Variants in SDK1 observed in about 807,000 individuals in gnomAD.
SDK1 encodes the protein protein sidekick-1.
SDK1 carries 157 observed loss-of-function variants against 245.5 expected under a neutral mutation model. The ratio of observed to expected loss-of-function variants is 0.64; its 90% CI spans 0.56 to 0.73. SDK1 has a LOEUF of 0.73. Among genes scored for constraint, SDK1 ranks in the 30% least tolerant of loss-of-function variants. The probability of loss-of-function intolerance (pLI) is 0.00; values close to 1 mark genes in which losing one functional copy is unlikely to be tolerated. For synonymous variants in SDK1, 1,647 were observed against 1,278.5 expected, an observed-to-expected ratio of 1.29 and a Z score of -6.15; for missense variants, 3,583 against 3,002.3, an observed-to-expected ratio of 1.19 and a Z score of -4.52.
At chr7:3,558,490 G>T (rs1043276384) in intron 1 of SDK1, among the ~76,000 whole-genome samples, 5 of 152,172 alleles carry the variant, frequency 3.3e-5, no homozygotes, top group African/African-American at 1.2e-4. Flanking sequence ...AATTAGCCTG[G>T]CTTGGATCAC....
chr7:3,797,360 C>G (rs1778985859), intron 4 of SDK1, among the ~76,000 whole-genome samples: 2 of 151,606 alleles, frequency 1.3e-5, no homozygotes, highest in East Asian at 3.9e-4. Context: ...TTTTCTCTTT[C>G]CCTCCACATA....
chr7:3,643,378 C>T (rs1389172910), intron 4 of SDK1: 1 of 151,380 alleles, frequency 6.6e-6, no homozygotes, highest in East Asian at 2.0e-4. Context: ...CCCACCCCCA[C>T]CTGAGCATCT....
At chr7:4,264,252 C>A (rs1485464812) in intron 44 of SDK1, among the ~76,000 whole-genome samples, 2 of 82,022 alleles carry the variant, frequency 2.4e-5, no homozygotes, top group South Asian at 6.5e-4. Flanking sequence ...GCCGCGTAGA[C>A]CTCTCCTGAG....
intron 19 of SDK1, among the ~76,000 whole-genome samples, chr7:4,059,616 T>G (rs1176475971): frequency 6.6e-6 from 1 of 152,220 alleles, no homozygotes; most frequent in East Asian, 1.9e-4. Flanking sequence ...ACAGAACATT[T>G]CATCTAATAG....
At chr7:3,571,690 C>G (rs545334804) in intron 1 of SDK1, among the ~76,000 whole-genome samples, 16 of 152,002 alleles carry the variant, frequency 1.1e-4, no homozygotes, top group Admixed American at 7.9e-4. Flanking sequence ...GATCTAAAAC[C>G]TTTTTGAAGT....
chr7:3,434,332 C>A (rs1440795809), intron 1 of SDK1, among the ~76,000 whole-genome samples: 1 of 152,124 alleles, frequency 6.6e-6, no homozygotes, highest in Non-Finnish European at 1.5e-5. Context: ...CCACCTTGTT[C>A]GCCTTGGTTT....
chr7:3,645,528 A>T (rs1583265920), intron 4 of SDK1, among the ~76,000 whole-genome samples: 1 of 152,324 alleles, frequency 6.6e-6, no homozygotes. Context: ...CACTGATTTG[A>T]TCTTTACAAA....
chr7:3,391,934 C>A (rs1781767546), intron 1 of SDK1, among the ~76,000 whole-genome samples: 1 of 146,722 alleles, frequency 6.8e-6, no homozygotes, highest in Non-Finnish European at 1.5e-5. Flanking sequence ...TGGCCAACAA[C>A]TGAAATATTT....
At chr7:3,399,437 G>A (rs984376592) in intron 1 of SDK1, among the ~76,000 whole-genome samples, 1 of 152,038 alleles carries the variant, frequency 6.6e-6, no homozygotes, top group African/African-American at 2.4e-5. Context: ...ATCAGGGACA[G>A]CTTCTATTGA....
intron 4 of SDK1, among the ~76,000 whole-genome samples, chr7:3,740,761 C>G (rs990277651): frequency 3.9e-5 from 6 of 152,104 alleles, no homozygotes; most frequent in Admixed American, 3.9e-4. Flanking sequence ...ATAAACAGTA[C>G]TTAGATTGTT....
intron 1 of SDK1, among the ~76,000 whole-genome samples, chr7:3,334,118 A>G (rs1334163038): frequency 6.6e-6 from 1 of 152,216 alleles, no homozygotes. Context: ...AGGAACCTAA[A>G]TCTAGAGCAG....
At chr7:3,933,665 T>A (rs552791754) in intron 5 of SDK1, among the ~76,000 whole-genome samples, 1 of 152,294 alleles carries the variant, frequency 6.6e-6, no homozygotes, top group African/African-American at 2.4e-5. Flanking sequence ...TTCATTGATA[T>A]ATTTGTATAA....
intron 25 of SDK1, among the ~76,000 whole-genome samples, chr7:4,119,518 A>G (rs1460628084): frequency 6.7e-6 from 1 of 148,622 alleles, no homozygotes; most frequent in Non-Finnish European, 1.5e-5. Flanking sequence ...AGGCCCAGAA[A>G]ATCTGTGTGT....
chr7:3,753,085 C>G (rs1779819676), intron 4 of SDK1, among the ~76,000 whole-genome samples: 1 of 152,204 alleles, frequency 6.6e-6, no homozygotes, highest in South Asian at 2.1e-4. Context: ...CATCACATCA[C>G]TAAGATGGGT....
At chr7:3,605,105 G>A (rs905804103) in intron 1 of SDK1, among the ~76,000 whole-genome samples, 1 of 148,326 alleles carries the variant, frequency 6.7e-6, no homozygotes, top group African/African-American at 2.5e-5. Context: ...TTTCTATCTT[G>A]ATTAATGCTC....
chr7:3,398,515 T>G (rs1401668382), intron 1 of SDK1, among the ~76,000 whole-genome samples: 2 of 152,018 alleles, frequency 1.3e-5, no homozygotes, highest in Non-Finnish European at 2.9e-5. Flanking sequence ...CAAAGTAGTT[T>G]CCCTTGGGAG....
At chr7:3,477,834 A>C (rs1213583136) in intron 1 of SDK1, among the ~76,000 whole-genome samples, 1 of 152,054 alleles carries the variant, frequency 6.6e-6, no homozygotes. Context: ...TTTTTTATAT[A>C]TAAAACGTAT....
intron 1 of SDK1, among the ~76,000 whole-genome samples, chr7:3,540,893 T>A (rs1474917439): frequency 6.6e-6 from 1 of 152,234 alleles, no homozygotes; most frequent in Admixed American, 6.5e-5. Flanking sequence ...TATTTTTATA[T>A]CTTCACCATG....
intron 1 of SDK1, among the ~76,000 whole-genome samples, chr7:3,583,819 T>C (rs958121175): frequency 2.1e-4 from 32 of 152,124 alleles, no homozygotes; most frequent in Middle Eastern, 3.4e-3. Context: ...AGAATTTATT[T>C]CACTGGAGAA....
Sources: allele counts gnomAD v4.1 joint callset (sites outside exome capture counted in the v4.1 genomes callset), GRCh38; gene constraint gnomAD v4.1.1; transcripts MANE v1.5; gene names NCBI Gene and HGNC (gene_info 2026-07-23, HGNC 2026-07-21).